The following KHDRBS2 variants were observed in gnomAD, a reference collection of about 807,000 sequenced individuals.
KHDRBS2 encodes the protein KH RNA binding domain containing, signal transduction associated 2.
Under a neutral mutation model 44.3 loss-of-function variants are expected in KHDRBS2, and 26 were observed. The ratio of observed to expected loss-of-function variants is 0.59; its 90% CI spans 0.43 to 0.81. The LOEUF is 0.81. KHDRBS2 is among the 40% of genes least tolerant of loss of function. KHDRBS2 has a pLI of 0.00. For synonymous variants in KHDRBS2, 194 were observed against 151.1 expected, an observed-to-expected ratio of 1.28 and a Z score of -2.08; for missense variants, 476 against 433.1, an observed-to-expected ratio of 1.10 and a Z score of -0.88.
At chr6:62,226,543 A>T (rs1831863616) in intron 1 of KHDRBS2, among the ~76,000 whole-genome samples, 1 of 152,008 alleles carries the variant, frequency 6.6e-6, no homozygotes, top group East Asian at 1.9e-4. Flanking sequence ...GTTTAATTAG[A>T]TCCTATTTGT....
chr6:61,592,199 A>AAAAAG, the KHDRBS2 span, among the ~76,000 whole-genome samples: 1 of 25,688 alleles, frequency 3.9e-5, no homozygotes, highest in Non-Finnish European at 9.8e-5. Context: ...AAAAAAAAAA[A>AAAAAG]AAAAAAAAAA....
At chr6:61,944,880 CA>C (rs1006455893) in intron 4 of KHDRBS2, among the ~76,000 whole-genome samples, 2 of 151,456 alleles carry the variant, frequency 1.3e-5, no homozygotes, top group African/African-American at 2.4e-5. Context: ...CACCTGAGAT[CA>C]GGAGCTCAAG....
At chr6:62,200,476 C>T (rs1006723936) in intron 1 of KHDRBS2, among the ~76,000 whole-genome samples, 3 of 152,166 alleles carry the variant, frequency 2.0e-5, no homozygotes, top group African/African-American at 7.2e-5. Context: ...CCAAAAGACA[C>T]ATGAAAAATG....
intron 4 of KHDRBS2, among the ~76,000 whole-genome samples, chr6:61,959,702 T>C (rs190454366): frequency 5.3e-5 from 8 of 152,146 alleles, no homozygotes; most frequent in Non-Finnish European, 7.4e-5. Context: ...TATGTACTTA[T>C]GGGTTAAGTT....
At chr6:62,246,118 A>C (rs1026474809) in intron 1 of KHDRBS2, among the ~76,000 whole-genome samples, 1 of 145,642 alleles carries the variant, frequency 6.9e-6, no homozygotes, top group Admixed American at 6.9e-5. Context: ...ATATATATAT[A>C]TATATATATA....
At chr6:61,955,470 A>ATATACATATGTGTATG (rs1766753306) in intron 4 of KHDRBS2, among the ~76,000 whole-genome samples, 2 of 33,168 alleles carry the variant, frequency 6.0e-5, no homozygotes, top group African/African-American at 3.2e-4. Flanking sequence ...ATATGTGTAT[A>ATATACATATGTGTATG]TATACACATA....
chr6:62,130,219 C>CT (rs1183051717), intron 2 of KHDRBS2, among the ~76,000 whole-genome samples: 1 of 152,112 alleles, frequency 6.6e-6, no homozygotes, highest in Non-Finnish European at 1.5e-5. Context: ...GAATCATCCC[C>CT]TTTAATGAGT....
chr6:61,619,461 GTTTGTTTT>G, the KHDRBS2 span, among the ~76,000 whole-genome samples: 4 of 113,226 alleles, frequency 3.5e-5, no homozygotes, highest in African/African-American at 1.2e-4. Flanking sequence ...TTGTTTGTTT[GTTTGTTTT>G]TTGAGATGAA....
At chr6:61,788,688 T>G (rs1339447266) in intron 6 of KHDRBS2, among the ~76,000 whole-genome samples, 2 of 151,354 alleles carry the variant, frequency 1.3e-5, no homozygotes, top group Non-Finnish European at 1.5e-5. Flanking sequence ...CCAAGTTTTC[T>G]GATTTTCTTT....
intron 6 of KHDRBS2, among the ~76,000 whole-genome samples, chr6:61,735,149 G>T (rs1582488437): frequency 6.8e-6 from 1 of 146,400 alleles, no homozygotes; most frequent in African/African-American, 2.6e-5. Flanking sequence ...TCATTTTTTT[G>T]GTGATAAATT....
intron 7 of KHDRBS2, among the ~76,000 whole-genome samples, chr6:61,717,258 A>G (rs1193587809): frequency 6.6e-6 from 1 of 152,080 alleles, no homozygotes; most frequent in African/African-American, 2.4e-5. Context: ...ATACATACTG[A>G]TAATTTGAGG....
intron 1 of KHDRBS2, among the ~76,000 whole-genome samples, chr6:62,243,909 T>C (rs909748310): frequency 1.4e-4 from 22 of 152,166 alleles, no homozygotes; most frequent in African/African-American, 4.6e-4. Flanking sequence ...AAGTATCCTA[T>C]ACACAGTGTA....
In KHDRBS2 at chr6:61,916,965, A is replaced by ATTT. The variant is rs10700035; in HGVS notation, c.484-15597_484-15595dup. On this transcript the variant is annotated intron_variant, in intron 4 of 8. Coordinates refer to ENST00000281156, the MANE Select transcript of KHDRBS2 (RefSeq NM_152688.4). Reference sequence around the variant, plus strand: ...GGATGTGGAGAAACAGGAACTCTGTATTTTTTTTTTTTTTTTTTTTTTTTG... The same window carrying ATTT: ...GGATGTGGAGAAACAGGAACTCTGTATTTTTTTTTTTTTTTTTTTTTTTTTTTG... 1.8e-3 allele frequency among the ~76,000 whole-genome samples: 160 copies of ATTT among 90,560 alleles called. 1 individual carries two copies. Among genetic ancestry groups the ATTT allele is most frequent in the African/African-American group, 3.6e-3 (84 of 23,440 alleles). 59.4% of individuals were successfully genotyped at this position (90,560 alleles called of 152,430 possible).
At chr6:62,147,049 A>C (rs1814098860) in intron 2 of KHDRBS2, among the ~76,000 whole-genome samples, 1 of 151,950 alleles carries the variant, frequency 6.6e-6, no homozygotes, top group African/African-American at 2.4e-5. Flanking sequence ...CTTATAAGAT[A>C]TACAAAAGGA....
the KHDRBS2 span, among the ~76,000 whole-genome samples, chr6:61,559,269 T>C: frequency 3.2e-4 from 49 of 152,198 alleles, no homozygotes; most frequent in Non-Finnish European, 3.5e-4. Flanking sequence ...TCATGGAATA[T>C]TTTTTCCATC....
the KHDRBS2 span, among the ~76,000 whole-genome samples, chr6:61,596,116 C>A: frequency 6.6e-6 from 1 of 152,078 alleles, no homozygotes; most frequent in Non-Finnish European, 1.5e-5. Flanking sequence ...TCCATGGCCA[C>A]CTGTCCAGAT....
chr6:61,605,911 AC>A, the KHDRBS2 span, among the ~76,000 whole-genome samples: 1 of 152,200 alleles, frequency 6.6e-6, no homozygotes, highest in Admixed American at 6.5e-5. Flanking sequence ...CTGAAGAATC[AC>A]AAAAGAAGTG....
chr6:61,955,534 GTATATATACACATATGTATGTATACA>G, intron 4 of KHDRBS2, among the ~76,000 whole-genome samples: 1 of 60,470 alleles, frequency 1.7e-5, no homozygotes, highest in African/African-American at 6.8e-5. Context: ...GTATACATGT[GTATATATACACATATGTATGTATACA>G]TGTGTATATA....
chr6:61,691,524 C>A (rs544876410), intron 8 of KHDRBS2, among the ~76,000 whole-genome samples: 2 of 151,946 alleles, frequency 1.3e-5, no homozygotes, highest in Non-Finnish European at 2.9e-5. Context: ...TTCCCCATAA[C>A]CTATTATGTA....
Sources: allele counts gnomAD v4.1 joint callset (sites outside exome capture counted in the v4.1 genomes callset), GRCh38; gene constraint gnomAD v4.1.1; transcripts MANE v1.5; gene names NCBI Gene and HGNC (gene_info 2026-07-23, HGNC 2026-07-21).